The following IAH1 variants were observed in gnomAD, a reference collection of about 807,000 sequenced individuals.
IAH1 encodes the protein isoamyl acetate-hydrolyzing esterase 1 homolog.
IAH1 carries 24 observed loss-of-function variants against 26.7 expected under a neutral mutation model. That is an observed-to-expected ratio of 0.90 (90% CI 0.65 to 1.26). The LOEUF (loss-of-function observed/expected upper bound fraction) is 1.26. Ranked by LOEUF, IAH1 falls within the 50% of genes most tolerant of loss-of-function variation. The probability of loss-of-function intolerance (pLI) is 0.00; values close to 1 mark genes in which losing one functional copy is unlikely to be tolerated. For missense variants in IAH1, 300 were observed against 299.9 expected, an observed-to-expected ratio of 1.00 and a Z score of 0.00; for synonymous variants, 140 against 118.5, an observed-to-expected ratio of 1.18 and a Z score of -1.18.
At chr2:9,507,582 C>T in the IAH1 span, among the ~76,000 whole-genome samples, 1 of 152,044 alleles carries the variant, frequency 6.6e-6, no homozygotes, top group Non-Finnish European at 1.5e-5. Flanking sequence ...CCTACTTGGG[C>T]AACCAAACTA....
chr2:9,480,166 TGTG>T (rs1345171429), intron 3 of IAH1, among the ~76,000 whole-genome samples: 1 of 152,106 alleles, frequency 6.6e-6, no homozygotes, highest in African/African-American at 2.4e-5. Flanking sequence ...GGAAACATCA[TGTG>T]GTCACCCTAC....
intron 3 of IAH1, among the ~76,000 whole-genome samples, chr2:9,480,234 T>C (rs1572839215): frequency 1.3e-5 from 2 of 152,188 alleles, no homozygotes; most frequent in African/African-American, 4.8e-5. Flanking sequence ...GCTCATAATA[T>C]GTTATGTGAG....
the IAH1 span, among the ~76,000 whole-genome samples, chr2:9,503,600 G>A: frequency 8.5e-5 from 13 of 152,246 alleles, no homozygotes; most frequent in East Asian, 2.5e-3. Flanking sequence ...CAACACTTTG[G>A]GAGGCTGAGG....
At chr2:9,481,483 T>C (rs1324101124) in intron 4 of IAH1, 36 bp downstream of exon 4, 12 of 1,608,396 alleles carry the variant, frequency 7.5e-6, no homozygotes, top group East Asian at 2.2e-5. Context: ...CAAATCTGGA[T>C]AGGAATGCTG....
At chr2:9,505,296 C>T in the IAH1 span, 3 of 1,614,052 alleles carry the variant, frequency 1.9e-6, no homozygotes, top group Non-Finnish European at 2.5e-6. Flanking sequence ...TTGCTGCGTT[C>T]TTGAAAACAC....
chr2:9,481,431 A>G lies in IAH1; in HGVS notation c.429A>G (p.Glu143=). ...CACTTTGTGAAACAGCCTGGGAAGA[A>G]CAGTGCATCATACAAGGTAAACAAA... ...PTPLCETAWE[E]QCIIQGCKLN... The change falls in exon 4 of 6, where the codon GAA becomes GAG. Residue 143 remains glutamate (E), a synonymous_variant. Coordinates refer to ENST00000497473, the MANE Select transcript of IAH1 (RefSeq NM_001039613.3). 3 of 1,614,164 alleles carry G rather than the reference A, an allele frequency of 1.9e-6. No homozygotes were observed. The highest frequency in any genetic ancestry group is 2.5e-6 in the Non-Finnish European group (3 of 1,180,016).
chr2:9,506,468 G>C, the IAH1 span, among the ~76,000 whole-genome samples: 2 of 147,014 alleles, frequency 1.4e-5, no homozygotes, highest in Non-Finnish European at 3.0e-5. Context: ...CCGGGTTCAA[G>C]TGATTCTTCT....
chr2:9,493,281 TAAG>T (rs1364253628), downstream of IAH1, among the ~76,000 whole-genome samples: 1 of 152,222 alleles, frequency 6.6e-6, no homozygotes, highest in South Asian at 2.1e-4. Context: ...AGTAAATGCT[TAAG>T]AAGACAAAGT....
chr2:9,481,998 T>C (rs371492464), intron 4 of IAH1, among the ~76,000 whole-genome samples: 2 of 152,070 alleles, frequency 1.3e-5, no homozygotes, highest in African/African-American at 2.4e-5. Flanking sequence ...GTCAGCTGTA[T>C]GTTAATGTTG....
chr2:9,505,431 T>A, the IAH1 span: 4 of 1,495,674 alleles, frequency 2.7e-6, no homozygotes, highest in East Asian at 9.1e-5. Flanking sequence ...ATGCAATGTT[T>A]GTGTCTTCTC....
At chr2:9,476,486 T>C (rs187848799) in intron 2 of IAH1, among the ~76,000 whole-genome samples, 1 of 152,376 alleles carries the variant, frequency 6.6e-6, no homozygotes, top group East Asian at 1.9e-4. Flanking sequence ...GGGTCTCTTG[T>C]TAGGCGCGTC....
intron 3 of IAH1, among the ~76,000 whole-genome samples, chr2:9,480,159 A>G (rs2124908612): frequency 6.6e-6 from 1 of 152,232 alleles, no homozygotes; most frequent in South Asian, 2.1e-4. Context: ...ACAGTACGGA[A>G]ACATCATGTG....
In IAH1 at chr2:9,475,090, G is replaced by A. The variant is rs894980172; in HGVS notation, c.81+443G>A. On this transcript the variant is annotated intron_variant, in intron 1 of 5. Coordinates refer to ENST00000497473, the MANE Select transcript of IAH1 (RefSeq NM_001039613.3). ...GGAGCTCTCTCGCCCCATTCCCTGC[G>A]GGCACAGGTGGGGCCGTTAGGGGTT... 4 of 1,241,204 alleles carry A rather than the reference G, an allele frequency of 3.2e-6. No homozygotes were observed. The African/African-American group carries it at 4.6e-5, about 14-fold the overall frequency. 76.9% of individuals were successfully genotyped at this position (1,241,204 alleles called of 1,614,324 possible).
chr2:9,491,860 C>T (rs997282818), downstream of IAH1, among the ~76,000 whole-genome samples: 9 of 152,212 alleles, frequency 5.9e-5, no homozygotes, highest in African/African-American at 1.4e-4. Context: ...AATCAAGGGT[C>T]GTGCCTTGTC....
chr2:9,482,116 T>C (rs902811867), intron 4 of IAH1, among the ~76,000 whole-genome samples: 5 of 149,806 alleles, frequency 3.3e-5, no homozygotes, highest in African/African-American at 1.2e-4. Flanking sequence ...ACTGCAACCT[T>C]TGCCTCCTGG....
At chr2:9,474,142 G>A (rs1313940107), upstream of IAH1, among the ~76,000 whole-genome samples, 2 of 152,056 alleles carry the variant, frequency 1.3e-5, no homozygotes, top group African/African-American at 2.4e-5. This position sits in a 1 kb window ranked among gnomAD's most constrained non-coding sequence, Gnocchi z 4.3. Flanking sequence ...CCAGAGTGAC[G>A]CTGGGCGCAG....
At chr2:9,492,465 TTG>T (rs535096962), downstream of IAH1, among the ~76,000 whole-genome samples, 66 of 152,314 alleles carry the variant, frequency 4.3e-4, no homozygotes, top group African/African-American at 1.6e-3. Context: ...TACATCCTAT[TTG>T]TGCAGAAGGC....
downstream of IAH1, chr2:9,490,629 C>A: frequency 8.3e-7 from 1 of 1,202,342 alleles, no homozygotes. Context: ...CACTGTGATG[C>A]TAAGAAAAAA....
intron 4 of IAH1, among the ~76,000 whole-genome samples, chr2:9,484,040 C>T (rs921266898): frequency 2.6e-5 from 4 of 152,230 alleles, no homozygotes; most frequent in Non-Finnish European, 5.9e-5. Flanking sequence ...GTTCAGCTTC[C>T]ATGGCCTGGC....
Sources: allele counts gnomAD v4.1 joint callset (sites outside exome capture counted in the v4.1 genomes callset), GRCh38; gene constraint gnomAD v4.1.1; non-coding constraint Gnocchi (gnomAD v3.1); transcripts MANE v1.5; gene names NCBI Gene and HGNC (gene_info 2026-07-23, HGNC 2026-07-21).